The following TGM7 variants were observed in gnomAD, a reference collection of about 807,000 sequenced individuals.
The protein encoded by TGM7 is transglutaminase 7, also known as protein-glutamine gamma-glutamyltransferase Z.
In TGM7, 74 loss-of-function variants were observed where a neutral mutation model predicts 79.5. That is an observed-to-expected ratio of 0.93 (90% CI 0.77 to 1.13). The LOEUF is 1.13. TGM7 is among the 50% of genes most tolerant of loss of function. TGM7 has a pLI of 0.00. For synonymous variants in TGM7, 354 were observed against 362.5 expected, an observed-to-expected ratio of 0.98 and a Z score of 0.27; for missense variants, 912 against 905.9, an observed-to-expected ratio of 1.01 and a Z score of -0.09.
At chr15:43,301,984 A>C in intron 1 of TGM7, 1 of 553,616 alleles carries the variant, frequency 1.8e-6, no homozygotes, top group Admixed American at 3.1e-5. Context: ...CAGACTTCCC[A>C]AGGCCATTTC....
intron 12 of TGM7, 45 bp downstream of exon 12, chr15:43,276,817 T>C: frequency 6.2e-7 from 1 of 1,603,568 alleles, no homozygotes; most frequent in Non-Finnish European, 8.5e-7. Context: ...GGGGCACCCC[T>C]TTCCTGAGAC....
chr15:43,286,070 G>A (rs922658531), intron 6 of TGM7, among the ~76,000 whole-genome samples: 6 of 152,198 alleles, frequency 3.9e-5, no homozygotes, highest in African/African-American at 1.4e-4. Context: ...AAGGAATATT[G>A]ACAGCGACCA....
chr15:43,285,524 CG>C (rs1168746737), intron 6 of TGM7, among the ~76,000 whole-genome samples: 3 of 152,086 alleles, frequency 2.0e-5, no homozygotes, highest in African/African-American at 7.2e-5. Context: ...ACACGTGTCA[CG>C]GGGGGTTGTT....
chr15:43,295,118 G>A (rs1478548185), intron 1 of TGM7, among the ~76,000 whole-genome samples: 2 of 152,172 alleles, frequency 1.3e-5, no homozygotes, highest in East Asian at 3.8e-4. Flanking sequence ...TGCCCAGGTT[G>A]ATAGATTCTG....
At chr15:43,293,958 T>C (rs879674580) in intron 1 of TGM7, among the ~76,000 whole-genome samples, 1 of 148,430 alleles carries the variant, frequency 6.7e-6, no homozygotes, top group African/African-American at 2.5e-5. Context: ...GAAGTGTTGA[T>C]ACTGGTGAAT....
rs751709223 is a variant in TGM7, at chr15:43,293,569, T to C, written c.73A>G (p.Thr25Ala). 3 of 1,610,600 alleles carry C rather than the reference T, an allele frequency of 1.9e-6. No individual in the cohort carries two copies. Among genetic ancestry groups the C allele is most frequent in the South Asian group, 1.1e-5 (1 of 90,926 alleles). Residue 25 changes from threonine (T) to alanine (A), a missense_variant, in exon 2 of 13, where the codon ACG (threonine) becomes GCG (alanine). Thr to Ala is a moderately conservative substitution (Grantham distance 58). Coordinates refer to ENST00000452443, the MANE Select transcript of TGM7 (RefSeq NM_052955.3). ...QSSRNNKEHHTQEMGVKRLTV... is the reference protein window; with the variant it reads ...QSSRNNKEHHAQEMGVKRLTV... ...AGCCGCTTGACGCCCATCTCCTGCG[T>C]GTGGTGCTCCTTGTTGTTCCTGGAG... is the stretch of plus-strand genomic sequence containing the variant.
Position 43,276,925 on chromosome 15 carries a change from G to A in TGM7, c.1910C>T (p.Ala637Val). 1 of 1,614,206 alleles carries A rather than the reference G, an allele frequency of 6.2e-7. No homozygotes were observed. The highest frequency in any genetic ancestry group is 8.5e-7 in the Non-Finnish European group (1 of 1,180,038). ...HVTLTNTLMV[A>V]LSSCTMVLEG... ...CAGCACCATCGTGCAGCTGCTCAGA[G>A]CCACCATTAAGGTGTTGGTGAGGGT... is the stretch of plus-strand genomic sequence containing the variant. The change falls in exon 12 of 13, where the codon GCT becomes GTT. Residue 637 changes from alanine to valine, a missense_variant. Coordinates refer to ENST00000452443, the MANE Select transcript of TGM7 (RefSeq NM_052955.3).
intron 1 of TGM7, among the ~76,000 whole-genome samples, chr15:43,301,629 C>CAAA (rs56249665): frequency 1.6e-5 from 2 of 127,174 alleles, no homozygotes; most frequent in African/African-American, 5.5e-5. Flanking sequence ...GACTCCATCT[C>CAAA]AAAAAAAAAA....
chr15:43,279,422 A>C, intron 10 of TGM7, 145 bp from the exon 11 acceptor site: 1 of 1,148,904 alleles, frequency 8.7e-7, no homozygotes, highest in Non-Finnish European at 1.2e-6. Flanking sequence ...CCCACCACGC[A>C]CACACTGTCC....
In TGM7 at chr15:43,291,996, G is replaced by T. The variant is rs146387827; in HGVS notation, c.541C>A (p.Pro181Thr). The T allele has an allele frequency of 6.2e-7, 1 of 1,613,720 alleles. No homozygotes were observed. Among genetic ancestry groups the T allele is most frequent in the Non-Finnish European group, 8.5e-7 (1 of 1,179,812 alleles). Residue 181 changes from proline to threonine, a missense_variant, in exon 4 of 13, where the codon CCC (proline) becomes ACC (threonine). Transcript: ENST00000452443. ...AGTGTTACCTGCCCGTAGTTCCAGGGCCAGGAGGTGATGAATCTTTCATGA... is the reference window on the plus strand; with the variant it reads ...AGTGTTACCTGCCCGTAGTTCCAGGTCCAGGAGGTGATGAATCTTTCATGA... ...KGHERFITSW[P>T]WNYGQFEEDI...
At chr15:43,286,609 C>G (rs1436584771) in intron 6 of TGM7, among the ~76,000 whole-genome samples, 1 of 152,194 alleles carries the variant, frequency 6.6e-6, no homozygotes, top group Non-Finnish European at 1.5e-5. Flanking sequence ...CCTCCTTTCT[C>G]CAACTCAGAG....
intron 1 of TGM7, chr15:43,302,024 T>C: frequency 1.6e-6 from 1 of 612,578 alleles, no homozygotes. Context: ...AAAAGGCTGT[T>C]CACAGCTTCA....
In TGM7 at chr15:43,279,647, C is replaced by A; in HGVS notation, c.1656G>T (p.Arg552=). 6.9e-6 allele frequency: 11 copies of A among 1,604,076 alleles called. No homozygotes were observed. Among genetic ancestry groups the A allele is most frequent in the Non-Finnish European group, 8.5e-6 (10 of 1,174,212 alleles). ...TQKPFWRHTV[R]MNLDFGKETQ... ...CACCCTTCCCAAAGTCCAGGTTCATCCGCACTGTGTGCCTCCAGAAGGGCT... is the reference window on the plus strand; with the variant it reads ...CACCCTTCCCAAAGTCCAGGTTCATACGCACTGTGTGCCTCCAGAAGGGCT... The change falls in exon 10 of 13, where the codon CGG becomes CGT. Residue 552 remains arginine (R), a synonymous_variant. Coordinates refer to ENST00000452443, the MANE Select transcript of TGM7 (RefSeq NM_052955.3).
At chr15:43,298,678 G>C (rs1362954798) in intron 1 of TGM7, among the ~76,000 whole-genome samples, 2 of 152,028 alleles carry the variant, frequency 1.3e-5, no homozygotes, top group Admixed American at 1.3e-4. Flanking sequence ...GCTTGAACCC[G>C]GGAGGCGGAG....
chr15:43,297,263 A>G (rs1380255941), intron 1 of TGM7, among the ~76,000 whole-genome samples: 3 of 151,854 alleles, frequency 2.0e-5, no homozygotes, highest in Non-Finnish European at 4.4e-5. Flanking sequence ...AGACCAGCTG[A>G]CCAACATGGT....
rs1472482578 is a variant in TGM7 at position 43,287,418 on chromosome 15, A to G, written c.727T>C (p.Trp243Arg). Residue 243 changes from tryptophan (W) to arginine (R), a missense_variant, in exon 6 of 13, where the codon TGG (tryptophan) becomes CGG (arginine). Transcript: ENST00000452443. ...NDDNGVLQGN[W>R]GEDYSKGVSP... is the part of the protein sequence containing the mutation. Reference sequence around the variant, plus strand: ...ACCCCTTTGGAGTAGTCCTCGCCCCAGTTCCCCTGCAGCACGCCATTGTCA... The same window carrying G: ...ACCCCTTTGGAGTAGTCCTCGCCCCGGTTCCCCTGCAGCACGCCATTGTCA... 1 of 1,613,944 alleles carries G rather than the reference A, an allele frequency of 6.2e-7. No individual in the cohort carries two copies. Among genetic ancestry groups the G allele is most frequent in the Non-Finnish European group, 8.5e-7 (1 of 1,180,012 alleles).
At chr15:43,289,276 T>C (rs1202102265) in intron 4 of TGM7, among the ~76,000 whole-genome samples, 3 of 152,170 alleles carry the variant, frequency 2.0e-5, no homozygotes, top group Non-Finnish European at 4.4e-5. Flanking sequence ...TGTGTTCTCA[T>C]TGTTCAATTC....
intron 1 of TGM7, among the ~76,000 whole-genome samples, chr15:43,295,275 T>C (rs905263949): frequency 6.6e-6 from 1 of 152,226 alleles, no homozygotes. Context: ...CTTTCTTCCA[T>C]GTTAACACTG....
intron 11 of TGM7, among the ~76,000 whole-genome samples, chr15:43,277,776 G>T (rs907669670): frequency 6.6e-6 from 1 of 152,170 alleles, no homozygotes; most frequent in Non-Finnish European, 1.5e-5. Flanking sequence ...TCGTACTAGG[G>T]GCTTGTTCTG....
Sources: gnomAD v4.1 joint callset for allele counts (sites outside exome capture counted in the v4.1 genomes callset) on GRCh38, gnomAD v4.1.1 for gene constraint, MANE v1.5 for transcripts, NCBI Gene and HGNC (gene_info 2026-07-23, HGNC 2026-07-21) for gene names.